Variants in ZNF181 observed in about 807,000 individuals in gnomAD.
ZNF181 encodes the protein zinc finger protein 181.
In ZNF181, 8 loss-of-function variants were observed where a neutral mutation model predicts 11.9. The ratio of observed to expected loss-of-function variants is 0.67; its 90% CI spans 0.39 to 1.21. The LOEUF (loss-of-function observed/expected upper bound fraction) is 1.21, where lower values mean the gene tolerates loss of function less well. ZNF181 is among the 50% of genes most tolerant of loss of function. ZNF181 has a pLI of 0.01. For synonymous variants in ZNF181, 202 were observed against 221.1 expected (o/e 0.91, Z 0.77); for missense variants, 542 against 670.9 (o/e 0.81, Z 2.12).
At chr19:34,735,075 G>A in intron 1 of ZNF181, 29 bp downstream of exon 1, 1 of 1,565,518 alleles carries the variant, frequency 6.4e-7, no homozygotes, top group South Asian at 1.2e-5. Flanking sequence ...AAATCTTCCT[G>A]AAACACTTTA....
At position 34,741,404 on chromosome 19, in the gene ZNF181, A is replaced by C; in HGVS notation, c.1023A>C (p.Arg341Ser). Residue 341 changes from arginine (R) to serine (S), a missense_variant, in exon 4 of 4, where the codon AGA becomes AGC. Physicochemically the swap from Arg to Ser is moderately radical, Grantham distance 110. Coordinates refer to ENST00000492450, the MANE Select transcript of ZNF181 (RefSeq NM_001029997.4). Reference sequence around the variant, plus strand: ...TGTCCCATCTTATTGAACATCTAAGAATTCATACTCAAGAAAAACTCTATG... The same window carrying C: ...TGTCCCATCTTATTGAACATCTAAGCATTCATACTCAAGAAAAACTCTATG... ...SRVSHLIEHLRIHTQEKLYEC... is the reference protein window; with the variant it reads ...SRVSHLIEHLSIHTQEKLYEC... 6.2e-7 allele frequency: 1 copy of C among 1,613,922 alleles called. No individual in the cohort carries two copies. Among genetic ancestry groups the C allele is most frequent in the Middle Eastern group, 1.7e-4 (1 of 6,058 alleles).
chr19:34,734,396 C>T lies in ZNF181; in HGVS notation c.-642C>T, dbSNP rs1298250091. The T allele has an allele frequency of 6.6e-6, 1 of 152,512 alleles. No individual in the cohort carries two copies. The highest frequency in any genetic ancestry group is 6.5e-5 in the Admixed American group (1 of 15,330). The allele number at this position is 152,512 out of a possible 1,614,324, so 9.4% of individuals were successfully genotyped here. A position where few individuals can be genotyped will look rare whatever the true frequency, so the allele number is the denominator to read the frequency against. On this transcript the variant is annotated 5_prime_UTR_variant, in exon 1 of 4. Transcript: ENST00000492450. Reference sequence around the variant, plus strand: ...GCTGAGGACTCCGGCCAGTATGAGTCCCGGGGGCGGCGGCGGGGCTCAGGC... The same window carrying T: ...GCTGAGGACTCCGGCCAGTATGAGTTCCGGGGGCGGCGGCGGGGCTCAGGC...
Position 34,741,920 on chromosome 19 carries a change from A to C in ZNF181, c.1539A>C (p.Gly513=), listed in dbSNP as rs1443709942. 2 of 1,613,752 alleles carry C rather than the reference A, an allele frequency of 1.2e-6. No individual in the cohort carries two copies. The highest frequency in any genetic ancestry group is 2.7e-5 in the African/African-American group (2 of 74,928). ...NLTVHQRIHT[G]EKPYKCNECG... is the part of the protein sequence containing the mutation. ...CCGTACATCAGAGAATTCACACTGG[A>C]GAAAAGCCATATAAATGTAATGAGT... Residue 513 remains glycine, a synonymous_variant, in exon 4 of 4, where the codon GGA becomes GGC. Transcript: ENST00000492450.
chr19:34,738,278 TGTGTCCTTTTATGGTGGAAGGGCGAAGAG>T (rs2068915606), intron 1 of ZNF181, among the ~76,000 whole-genome samples: 1 of 152,148 alleles, frequency 6.6e-6, no homozygotes, highest in South Asian at 2.1e-4. Flanking sequence ...GCCTTCTTGC[TGTGTCCTTTTATGGTGGAAGGGCGAAGAG>T]AAGAGAGAGA....
At position 34,741,020 on chromosome 19, in the gene ZNF181, TA is replaced by T. The variant is rs773983661; in HGVS notation, c.643del (p.Ser215ValfsTer70). 35 of 1,614,014 alleles carry T rather than the reference TA, an allele frequency of 2.2e-5. No homozygotes were observed. The highest frequency in any genetic ancestry group is 2.5e-6 in the Non-Finnish European group (3 of 1,179,992). On this transcript the variant is annotated frameshift_variant, in exon 4 of 4. Transcript: ENST00000492450. LOFTEE classifies it low-confidence loss of function (END_TRUNC). ...GTGGAAAGAAACTTTTGAATTCTAATAAAAGTGGGGCAGCCTTCAGCCAGGG... is the reference window on the plus strand; with the variant it reads ...GTGGAAAGAAACTTTTGAATTCTAATAAAGTGGGGCAGCCTTCAGCCAGGG... ...NGGKKLLNSN[K>X]SGAAFSQGKS...
chr19:34,741,529 G>C lies in ZNF181; in HGVS notation c.1148G>C (p.Gly383Ala). ...AAGCCTTATGAATGTAGAGAATGTG[G>C]GAAAGCTTTCTGCTGTAGCTCACAC... ...GEKPYECREC[G>A]KAFCCSSHLT... Residue 383 changes from glycine to alanine, a missense_variant, in exon 4 of 4, where the codon GGG (glycine) becomes GCG (alanine). Transcript: ENST00000492450. 1 of 1,613,882 alleles carries C rather than the reference G, an allele frequency of 6.2e-7. No homozygotes were observed. Among genetic ancestry groups the C allele is most frequent in the Non-Finnish European group, 8.5e-7 (1 of 1,179,930 alleles).
Position 34,741,228 on chromosome 19 carries a change from C to T in ZNF181, c.847C>T (p.His283Tyr). Residue 283 changes from histidine (H) to tyrosine (Y), a missense_variant, in exon 4 of 4, where the codon CAT becomes TAT. Transcript: ENST00000492450. ...TAGCCATGGCTCATCCCTTACACGACATCTGATAAGCCATAGTGGAGAGAA... is the reference window on the plus strand; with the variant it reads ...TAGCCATGGCTCATCCCTTACACGATATCTGATAAGCCATAGTGGAGAGAA... ...TFSHGSSLTR[H>Y]LISHSGEKPY... is the part of the protein sequence containing the mutation. 6.2e-7 allele frequency: 1 copy of T among 1,614,008 alleles called. No homozygotes were observed. Among genetic ancestry groups the T allele is most frequent in the Non-Finnish European group, 8.5e-7 (1 of 1,179,910 alleles).
rs1394760915 is a variant in ZNF181, at chr19:34,736,318, G to A, written c.9+1272G>A. 7 of 626,784 alleles carry A rather than the reference G, an allele frequency of 1.1e-5. No homozygotes were observed. The East Asian group carries it at 1.9e-4, about 17-fold the overall frequency. 38.8% of individuals were successfully genotyped at this position (626,784 alleles called of 1,614,324 possible). On this transcript the variant is annotated intron_variant, in intron 1 of 3. Transcript: ENST00000492450. ...TGCCTGTTTTTCCAGCTATTCGGGAGGGTGATGAGTTGAGAAAATTTCTTG... is the reference window on the plus strand; with the variant it reads ...TGCCTGTTTTTCCAGCTATTCGGGAAGGTGATGAGTTGAGAAAATTTCTTG...
At chr19:34,736,543 T>G (rs571890118) in intron 1 of ZNF181, among the ~76,000 whole-genome samples, 47 of 152,316 alleles carry the variant, frequency 3.1e-4, no homozygotes, top group African/African-American at 1.1e-3. Flanking sequence ...GACTTCATGA[T>G]CTAGTGCAGT....
chr19:34,737,216 T>C (rs1235583142), intron 1 of ZNF181, among the ~76,000 whole-genome samples: 1 of 152,248 alleles, frequency 6.6e-6, no homozygotes, highest in East Asian at 1.9e-4. Context: ...TTTTTCTACA[T>C]TTGTGGAGAG....
rs2069010573 is a variant in ZNF181, at chr19:34,743,692, C to T, written c.*1595C>T. 1.3e-5 allele frequency: 2 copies of T among 152,212 alleles called. No individual in the cohort carries two copies. Among genetic ancestry groups the T allele is most frequent in the Non-Finnish European group, 2.9e-5 (2 of 68,034 alleles). 9.4% of individuals were successfully genotyped at this position (152,212 alleles called of 1,614,324 possible). ...TGCAGCAACCGTCATTTCTCTATCCCTGAGTCATAGTTACGGGAGTTTACC... is the reference window on the plus strand; with the variant it reads ...TGCAGCAACCGTCATTTCTCTATCCTTGAGTCATAGTTACGGGAGTTTACC... On this transcript the variant is annotated 3_prime_UTR_variant, in exon 4 of 4. Transcript: ENST00000492450.
chr19:34,741,580 C>G lies in ZNF181; in HGVS notation c.1199C>G (p.Thr400Ser). ...SHLTRHQRIH[T>S]MEKQYECNKC... The stretch of plus-strand genomic sequence containing the variant: ...CTTACTCGACATCAAAGAATTCACA[C>G]TATGGAGAAACAATATGAATGCAAC... Residue 400 changes from threonine to serine, a missense_variant, in exon 4 of 4, where the codon ACT becomes AGT. Physicochemically the swap from Thr to Ser is moderately conservative, Grantham distance 58 (BLOSUM62 1). Transcript: ENST00000492450. The G allele has an allele frequency of 6.2e-7, 1 of 1,613,970 alleles. No individual in the cohort carries two copies.
In ZNF181 at chr19:34,741,616, A is replaced by C. The variant is rs1469869990; in HGVS notation, c.1235A>C (p.Lys412Thr). 1 of 1,613,850 alleles carries C rather than the reference A, an allele frequency of 6.2e-7. No individual in the cohort carries two copies. The highest frequency in any genetic ancestry group is 1.3e-5 in the African/African-American group (1 of 74,942). The change falls in exon 4 of 4, where the codon AAA (lysine) becomes ACA (threonine). Residue 412 changes from lysine (K) to threonine (T), a missense_variant. Physicochemically the swap from Lys to Thr is moderately conservative, Grantham distance 78 (BLOSUM62 -1). Transcript: ENST00000492450. ...CAATATGAATGCAACAAATGTCTGA[A>C]AGTCTTTAGTAGCCTCTCATTTCTT... ...EKQYECNKCL[K>T]VFSSLSFLVQ...
Position 34,734,987 on chromosome 19 carries a change from A to C in ZNF181, c.-51A>C. 1.3e-6 allele frequency: 2 copies of C among 1,565,608 alleles called. No homozygotes were observed. The highest frequency in any genetic ancestry group is 2.4e-5 in the South Asian group (2 of 84,856). On this transcript the variant is annotated 5_prime_UTR_variant, in exon 1 of 4. Coordinates refer to ENST00000492450, the MANE Select transcript of ZNF181 (RefSeq NM_001029997.4). ...GCCCTCAGGACACTGCCCATCTCTA[A>C]GATAAGAGCCTGGAAAGAGGACTCT...
At chr19:34,735,741 T>C (rs185624707) in intron 1 of ZNF181, among the ~76,000 whole-genome samples, 2 of 152,348 alleles carry the variant, frequency 1.3e-5, no homozygotes, top group African/African-American at 4.8e-5. Context: ...ACCTTCCTTC[T>C]CTGCCTCCTC....
At position 34,739,392 on chromosome 19, in the gene ZNF181, C is replaced by T. The variant is rs190559305; in HGVS notation, c.130+124C>T. 9.6e-6 allele frequency: 15 copies of T among 1,563,160 alleles called. No homozygotes were observed. In the East Asian group the frequency reaches 3.1e-4, roughly 33 times the overall value. Reference sequence around the variant, plus strand: ...CATGTTCCCAAGGAAATGTGCAGCTCTGTTGTGCCCTGCCTGAAGCTTATC... The same window carrying T: ...CATGTTCCCAAGGAAATGTGCAGCTTTGTTGTGCCCTGCCTGAAGCTTATC... On this transcript the variant is annotated intron_variant, in intron 2 of 3. Coordinates refer to ENST00000492450, the MANE Select transcript of ZNF181 (RefSeq NM_001029997.4).
chr19:34,739,041 T>C, intron 1 of ZNF181, 107 bp from the exon 2 acceptor site: 1 of 1,520,570 alleles, frequency 6.6e-7, no homozygotes, highest in Non-Finnish European at 8.9e-7. Flanking sequence ...TTGCCACAAC[T>C]CCTGAATCTT....
chr19:34,741,210 G>A lies in ZNF181; in HGVS notation c.829G>A (p.Gly277Ser). The part of the protein sequence containing the change: ...CRECGKTFSH[G>S]SSLTRHLISH... ...TGAATGTGGGAAGACTTTTAGCCAT[G>A]GCTCATCCCTTACACGACATCTGAT... Residue 277 changes from glycine to serine, a missense_variant, in exon 4 of 4, where the codon GGC becomes AGC. Physicochemically the swap from Gly to Ser is moderately conservative, Grantham distance 56. Coordinates refer to ENST00000492450, the MANE Select transcript of ZNF181 (RefSeq NM_001029997.4). 8 of 1,614,016 alleles carry A rather than the reference G, an allele frequency of 5.0e-6. No homozygotes were observed. Among genetic ancestry groups the A allele is most frequent in the Admixed American group, 1.7e-5 (1 of 60,020 alleles).
chr19:34,741,182 T>A lies in ZNF181; in HGVS notation c.801T>A (p.Cys267Ter). The change falls in exon 4 of 4, where the codon TGT becomes TGA. Residue 267 changes from cysteine (C) to a stop codon, truncating the protein, a stop_gained. Transcript: ENST00000492450. LOFTEE classifies it low-confidence loss of function (END_TRUNC). The stretch of plus-strand genomic sequence containing the variant: ...ATACAGGAGAGAAGCCCTATGAATG[T>A]CGTGAATGTGGGAAGACTTTTAGCC... ...RIHTGEKPYE[C>*]RECGKTFSHG... The A allele has an allele frequency of 6.2e-7, 1 of 1,614,110 alleles. No homozygotes were observed. The highest frequency in any genetic ancestry group is 8.5e-7 in the Non-Finnish European group (1 of 1,179,974).
Sources: gnomAD v4.1 joint callset for allele counts (sites outside exome capture counted in the v4.1 genomes callset) on GRCh38, gnomAD v4.1.1 for gene constraint, MANE v1.5 for transcripts, NCBI Gene and HGNC (gene_info 2026-07-23, HGNC 2026-07-21) for gene names.